HACL1: variants seen among roughly 807,000 people sequenced by gnomAD.
HACL1 encodes 1600020H07Rik.
In HACL1, 64 loss-of-function variants were observed where a neutral mutation model predicts 74.2. That is an observed-to-expected ratio of 0.86 (90% confidence interval 0.70 to 1.06). HACL1 has a LOEUF of 1.06. Among genes scored for constraint, HACL1 ranks in the 50% least tolerant of loss-of-function variants. HACL1 has a pLI of 0.00. For missense variants in HACL1, 728 were observed against 719.7 expected, an observed-to-expected ratio of 1.01 and a Z score of -0.13; for synonymous variants, 230 against 238.8, an observed-to-expected ratio of 0.96 and a Z score of 0.34.
intron 2 of HACL1, among the ~76,000 whole-genome samples, chr3:15,598,689 T>C (rs923143040): frequency 6.6e-6 from 1 of 152,194 alleles, no homozygotes; most frequent in African/African-American, 2.4e-5. Context: ...TCAAAGACAA[T>C]GAAGTCACAC....
At chr3:15,596,986 A>G (rs1239344688) in intron 2 of HACL1, among the ~76,000 whole-genome samples, 1 of 152,144 alleles carries the variant, frequency 6.6e-6, no homozygotes, top group African/African-American at 2.4e-5. Flanking sequence ...GATTCCAAGA[A>G]CTGCTTTAGT....
chr3:15,581,102 A>G (rs2063709730), intron 8 of HACL1, among the ~76,000 whole-genome samples: 1 of 152,176 alleles, frequency 6.6e-6, no homozygotes, highest in South Asian at 2.1e-4. Flanking sequence ...GGGTTTCACC[A>G]TGTTGGCCAG....
intron 14 of HACL1, among the ~76,000 whole-genome samples, 160 bp downstream of exon 14, chr3:15,567,684 G>A (rs2271022): frequency 0.023 from 3,546 of 152,340 alleles, 218 homozygotes; most frequent in Admixed American, 0.12. Context: ...GGAAGAGAAA[G>A]ACCGTGGGTT....
intron 10 of HACL1, among the ~76,000 whole-genome samples, chr3:15,573,806 C>T (rs2063576657): frequency 6.6e-6 from 1 of 152,192 alleles, no homozygotes; most frequent in South Asian, 2.1e-4. Flanking sequence ...ATTACTTCTC[C>T]ATTTACTCAG....
intron 14 of HACL1, among the ~76,000 whole-genome samples, chr3:15,564,868 T>G (rs1416825276): frequency 6.6e-6 from 1 of 152,120 alleles, no homozygotes; most frequent in Non-Finnish European, 1.5e-5. Context: ...AATGCAAGAT[T>G]AAGAGTTGTT....
At chr3:15,567,485 G>A (rs181922814) in intron 14 of HACL1, among the ~76,000 whole-genome samples, 1 of 152,082 alleles carries the variant, frequency 6.6e-6, no homozygotes, top group African/African-American at 2.4e-5. Context: ...CTCCCAAAGG[G>A]CTGGGATTAC....
At position 15,592,068 on chromosome 3, in the gene HACL1, ATATACG is replaced by A. The variant is rs1307138790; in HGVS notation, c.228-394_228-389del. Reference sequence around the variant, plus strand: ...ACACACTATATACGTATATATACGTATATACGTATACGTATATATACACACACTATA... The same window carrying A: ...ACACACTATATACGTATATATACGTATATACGTATATATACACACACTATA... On this transcript the variant is annotated intron_variant, in intron 3 of 16. Transcript: ENST00000321169. Among the ~76,000 whole-genome samples the A allele has an allele frequency of 7.4e-3, 49 of 6,652 alleles. 1 individual carries two copies. The highest frequency in any genetic ancestry group is 0.071 in the Middle Eastern group (1 of 14). 4.4% of individuals were successfully genotyped at this position (6,652 alleles called of 152,430 possible). A position where few individuals can be genotyped will look rare whatever the true frequency, so the allele number is the denominator to read the frequency against.
intron 2 of HACL1, 37 bp from the exon 3 acceptor site, chr3:15,596,461 G>A: frequency 1.5e-6 from 2 of 1,323,952 alleles, no homozygotes; most frequent in Non-Finnish European, 2.2e-6. Flanking sequence ...AGCATATTGG[G>A]ATCCTTATAG....
intron 3 of HACL1, among the ~76,000 whole-genome samples, chr3:15,594,717 A>G: frequency 6.6e-6 from 1 of 152,274 alleles, no homozygotes. Flanking sequence ...CTGATAAACT[A>G]TGATTTAAAT....
chr3:15,593,135 A>G (rs1432522472), intron 3 of HACL1, among the ~76,000 whole-genome samples: 7 of 125,890 alleles, frequency 5.6e-5, no homozygotes, highest in African/African-American at 2.4e-4. Context: ...ATACGTATAT[A>G]TGTATATATA....
Position 15,594,050 on chromosome 3 carries a change from C to T in HACL1, c.227+2334G>A, listed in dbSNP as rs1028004666. Among the ~76,000 whole-genome samples the T allele has an allele frequency of 2.6e-5, 4 of 151,934 alleles. No individual in the cohort carries two copies. The East Asian group carries it at 5.8e-4, about 22-fold the overall frequency. On this transcript the variant is annotated intron_variant, in intron 3 of 16. Transcript: ENST00000321169. ...CTGGCCTCAGGTGATCCACCCGCCT[C>T]GGCCTCCCAAAGTGCTGGGATTACA...
chr3:15,593,150 C>T (rs1342926125), intron 3 of HACL1, among the ~76,000 whole-genome samples: 1 of 148,092 alleles, frequency 6.8e-6, no homozygotes, highest in African/African-American at 2.5e-5. Context: ...TATATACACA[C>T]ATACACACAT....
In HACL1 at chr3:15,598,853, C is replaced by T. The variant is rs546626139; in HGVS notation, c.186+2237G>A. Among the ~76,000 whole-genome samples, 5 of 152,358 alleles carry T rather than the reference C, an allele frequency of 3.3e-5. No homozygotes were observed. The South Asian group carries it at 1.0e-3, about 32-fold the overall frequency. Reference sequence around the variant, plus strand: ...AGTCAGGATGCTTGAGGGACATATGCACTGGGATGTTCCACCAACATCTCA... The same window carrying T: ...AGTCAGGATGCTTGAGGGACATATGTACTGGGATGTTCCACCAACATCTCA... On this transcript the variant is annotated intron_variant, in intron 2 of 16. Transcript: ENST00000321169.
intron 15 of HACL1, 114 bp downstream of exon 15, chr3:15,564,437 G>T: frequency 1.7e-6 from 1 of 601,824 alleles, no homozygotes; most frequent in Non-Finnish European, 3.0e-6. Flanking sequence ...GCTGACAATC[G>T]AAACGGACAA....
chr3:15,597,461 G>A (rs1269666223), intron 2 of HACL1, among the ~76,000 whole-genome samples: 1 of 151,304 alleles, frequency 6.6e-6, no homozygotes, highest in Non-Finnish European at 1.5e-5. Flanking sequence ...CTGGGAAAAT[G>A]CTGAGTGCTC....
At chr3:15,579,612 T>C (rs1402653984) in intron 9 of HACL1, among the ~76,000 whole-genome samples, 2 of 152,098 alleles carry the variant, frequency 1.3e-5, no homozygotes, top group Non-Finnish European at 2.9e-5. Flanking sequence ...CCCAAAAGGC[T>C]AAATTAAAAT....
intron 7 of HACL1, among the ~76,000 whole-genome samples, chr3:15,584,747 T>C (rs1193125791): frequency 6.6e-6 from 1 of 152,204 alleles, no homozygotes; most frequent in African/African-American, 2.4e-5. Context: ...CAGGGGATGA[T>C]TTAGATACCA....
intron 9 of HACL1, 84 bp downstream of exon 9, chr3:15,579,826 C>CATCCTAG: frequency 5.4e-6 from 5 of 933,512 alleles, no homozygotes; most frequent in Non-Finnish European, 8.2e-6. Context: ...TTCAGAACTC[C>CATCCTAG]ATCCTAGATG....
At chr3:15,567,502 G>A (rs2063457310) in intron 14 of HACL1, among the ~76,000 whole-genome samples, 1 of 151,800 alleles carries the variant, frequency 6.6e-6, no homozygotes, top group Non-Finnish European at 1.5e-5. Flanking sequence ...TTACAGGTGT[G>A]AGCCACCATG....
Sources: allele counts gnomAD v4.1 joint callset (sites outside exome capture counted in the v4.1 genomes callset), GRCh38; gene constraint gnomAD v4.1.1; transcripts MANE v1.5; gene names NCBI Gene and HGNC (gene_info 2026-07-23, HGNC 2026-07-21).